SDK1: variants seen among roughly 807,000 people sequenced by gnomAD.
SDK1 encodes the protein sidekick cell adhesion molecule 1.
In SDK1, 157 loss-of-function variants were observed where a neutral mutation model predicts 245.5. The ratio of observed to expected loss-of-function variants is 0.64; its 90% CI spans 0.56 to 0.73. The LOEUF is 0.73. Ranked by LOEUF, SDK1 falls within the 30% of genes least tolerant of loss-of-function variation. SDK1 has a pLI of 0.00. For missense variants in SDK1, 3,583 were observed against 3,002.3 expected (o/e 1.19, Z -4.52); for synonymous variants, 1,647 against 1,278.5 (o/e 1.29, Z -6.15).
chr7:4,057,096 C>T (rs1428223451), intron 19 of SDK1, among the ~76,000 whole-genome samples: 1 of 152,202 alleles, frequency 6.6e-6, no homozygotes, highest in East Asian at 1.9e-4. Flanking sequence ...ACAGTTGCCA[C>T]CTGGGTCTGA....
At chr7:4,077,392 C>A (rs1780757777) in intron 21 of SDK1, among the ~76,000 whole-genome samples, 1 of 152,258 alleles carries the variant, frequency 6.6e-6, no homozygotes, top group African/African-American at 2.4e-5. Flanking sequence ...GGCCTCACGT[C>A]CCTTCTGTCT....
chr7:3,952,035 G>A (rs1780873918), intron 7 of SDK1, 115 bp downstream of exon 7: 1 of 957,346 alleles, frequency 1.0e-6, no homozygotes, highest in Non-Finnish European at 1.5e-6. Context: ...CTCGGCAAAT[G>A]AAGGTGAGGT....
chr7:3,612,368 T>C (rs1781620851), intron 1 of SDK1, among the ~76,000 whole-genome samples: 1 of 152,182 alleles, frequency 6.6e-6, no homozygotes, highest in Non-Finnish European at 1.5e-5. Flanking sequence ...CAGAAGTACA[T>C]TTGAAAATCA....
intron 1 of SDK1, among the ~76,000 whole-genome samples, chr7:3,602,667 G>A (rs1267084628): frequency 4.0e-5 from 6 of 151,842 alleles, no homozygotes; most frequent in African/African-American, 9.7e-5. Context: ...CTGTGCAGAA[G>A]CTCTTTAGTT....
chr7:4,157,061 C>A (rs1018938406), intron 30 of SDK1, among the ~76,000 whole-genome samples: 1 of 152,094 alleles, frequency 6.6e-6, no homozygotes, highest in African/African-American at 2.4e-5. Context: ...CTTGCTCATT[C>A]GGAAGTCGAA....
intron 2 of SDK1, among the ~76,000 whole-genome samples, chr7:3,623,986 G>A (rs1782028891): frequency 6.6e-6 from 1 of 152,088 alleles, no homozygotes; most frequent in Non-Finnish European, 1.5e-5. Flanking sequence ...TTTATAAAAA[G>A]GCAAACATTT....
intron 1 of SDK1, among the ~76,000 whole-genome samples, chr7:3,419,807 G>C (rs11981004): frequency 0.14 from 21,915 of 152,114 alleles, 2,376 homozygotes; most frequent in African/African-American, 0.3. Context: ...GAATTAACAG[G>C]TTTCTCTAAA....
At chr7:3,996,670 A>G (rs1372995687) in intron 14 of SDK1, among the ~76,000 whole-genome samples, 1 of 152,212 alleles carries the variant, frequency 6.6e-6, no homozygotes, top group East Asian at 1.9e-4. Context: ...TAGGAAAACC[A>G]CTGATGTTTA....
intron 35 of SDK1, among the ~76,000 whole-genome samples, chr7:4,181,301 T>A (rs577444399): frequency 2.6e-5 from 4 of 152,362 alleles, no homozygotes; most frequent in Non-Finnish European, 4.4e-5. Flanking sequence ...CTGAGTAATA[T>A]CCCATTGCAT....
At chr7:3,631,683 T>G (rs1479687352) in intron 2 of SDK1, among the ~76,000 whole-genome samples, 1 of 152,230 alleles carries the variant, frequency 6.6e-6, no homozygotes, top group Non-Finnish European at 1.5e-5. Context: ...TATGAATGTT[T>G]ATGGAGAATC....
At chr7:3,974,197 A>AAAAG (rs1468462933) in intron 12 of SDK1, among the ~76,000 whole-genome samples, 172 bp from the exon 13 acceptor site, 1 of 151,634 alleles carries the variant, frequency 6.6e-6, no homozygotes, top group Non-Finnish European at 1.5e-5. Context: ...AAAAAAAAAA[A>AAAAG]AAAGAAAGAA....
rs113807366 is a variant in SDK1 at position 3,457,125 on chromosome 7, G to A, written c.298+155241G>A. Among the ~76,000 whole-genome samples, 52 of 152,248 alleles carry A rather than the reference G, an allele frequency of 3.4e-4. 1 individual carries two copies. The highest frequency in any genetic ancestry group is 8.7e-4 in the African/African-American group (36 of 41,550). On this transcript the variant is annotated intron_variant, in intron 1 of 44. Coordinates refer to ENST00000404826, the MANE Select transcript of SDK1 (RefSeq NM_152744.4). ...GTTCTCTGTTGTCCGCTTTTCTGGT[G>A]CCACTGTGCTTACTTGGGTGTCGTT...
At chr7:3,349,924 C>T (rs1780613423) in intron 1 of SDK1, among the ~76,000 whole-genome samples, 1 of 152,170 alleles carries the variant, frequency 6.6e-6, no homozygotes, top group Non-Finnish European at 1.5e-5. Flanking sequence ...TATCTTAAGA[C>T]CACATCCTGG....
At chr7:3,771,873 T>A (rs1200676519) in intron 4 of SDK1, among the ~76,000 whole-genome samples, 1 of 152,212 alleles carries the variant, frequency 6.6e-6, no homozygotes, top group Non-Finnish European at 1.5e-5. Context: ...CTTTTCATCT[T>A]GCAGAACTGA....
chr7:4,003,158 T>A (rs1264887434), intron 14 of SDK1, among the ~76,000 whole-genome samples: 2 of 152,262 alleles, frequency 1.3e-5, no homozygotes, highest in Admixed American at 6.5e-5. Flanking sequence ...GGCACACGCA[T>A]GTGGACACAT....
In SDK1 at chr7:3,418,197, A is replaced by G. The variant is rs983934295; in HGVS notation, c.298+116313A>G. Among the ~76,000 whole-genome samples, 3 of 149,468 alleles carry G rather than the reference A, an allele frequency of 2.0e-5. No homozygotes were observed. In the South Asian group the frequency reaches 6.3e-4, roughly 31 times the overall value. ...CTGAGCTGGGTGGTGCGTGCCTGTA[A>G]TCCCAGCTACATGGGAGGCTGAGGC... On this transcript the variant is annotated intron_variant, in intron 1 of 44. Coordinates refer to ENST00000404826, the MANE Select transcript of SDK1 (RefSeq NM_152744.4).
intron 2 of SDK1, among the ~76,000 whole-genome samples, chr7:3,632,527 C>T (rs907239179): frequency 5.9e-5 from 9 of 151,434 alleles, no homozygotes; most frequent in Non-Finnish European, 1.0e-4. Flanking sequence ...GATTTATATT[C>T]CCAAAACCAG....
chr7:3,847,038 G>T (rs763061404), intron 5 of SDK1, among the ~76,000 whole-genome samples: 2 of 151,998 alleles, frequency 1.3e-5, no homozygotes, highest in African/African-American at 4.8e-5. Context: ...GACAGCTGCC[G>T]CTTAGTGTAA....
intron 11 of SDK1, among the ~76,000 whole-genome samples, chr7:3,970,081 T>C (rs532137086): frequency 6.6e-6 from 1 of 152,230 alleles, no homozygotes; most frequent in South Asian, 2.1e-4. Context: ...ACTTTTTAAC[T>C]TCAATTGCCA....
Sources: gnomAD v4.1 joint callset for allele counts (sites outside exome capture counted in the v4.1 genomes callset) on GRCh38, gnomAD v4.1.1 for gene constraint, MANE v1.5 for transcripts, NCBI Gene and HGNC (gene_info 2026-07-23, HGNC 2026-07-21) for gene names.